Variants in PARN observed in about 807,000 individuals in gnomAD.
PARN encodes poly(A)-specific ribonuclease PARN.
Under a neutral mutation model 102.8 loss-of-function variants are expected in PARN, and 71 were observed. The ratio of observed to expected loss-of-function variants is 0.69; its 90% confidence interval spans 0.57 to 0.84. PARN has a LOEUF of 0.84. PARN is among the 40% of genes least tolerant of loss of function. The pLI is 0.00. For synonymous variants in PARN, 261 were observed against 252.9 expected, an observed-to-expected ratio of 1.03 and a Z score of -0.30; for missense variants, 782 against 760.9, an observed-to-expected ratio of 1.03 and a Z score of -0.33.
At chr16:14,444,809 C>G (rs1961121581) in intron 23 of PARN, among the ~76,000 whole-genome samples, 1 of 152,054 alleles carries the variant, frequency 6.6e-6, no homozygotes, top group African/African-American at 2.4e-5. Context: ...TTTAAAACTT[C>G]TCCAATACTT....
intron 22 of PARN, 147 bp downstream of exon 22, chr16:14,482,491 G>A: frequency 5.2e-6 from 3 of 571,966 alleles, no homozygotes; most frequent in Admixed American, 7.3e-5. Flanking sequence ...AGGAAATTCA[G>A]GTCATAGTCA....
Position 14,629,616 on chromosome 16 carries a change from G to A in PARN, c.78C>T (p.Ala26=). 6.2e-7 allele frequency: 1 copy of A among 1,613,066 alleles called. No individual in the cohort carries two copies. The highest frequency in any genetic ancestry group is 1.7e-5 in the Admixed American group (1 of 60,024). ...YQAIEEADFF[A]IDGEFSGISD... ...GGATACCTGAAAACTCCCCATCGAT[G>A]GCGAAGAAGTCGGCCTCCTCTATGG... The change falls in exon 2 of 24, where the codon GCC becomes GCT. Residue 26 remains alanine (A), a synonymous_variant. Transcript: ENST00000437198.
chr16:14,530,270 G>A (rs1266432929), intron 21 of PARN, among the ~76,000 whole-genome samples: 1 of 152,114 alleles, frequency 6.6e-6, no homozygotes, highest in South Asian at 2.1e-4. Flanking sequence ...GGAATCCCAA[G>A]CCCCAGGCTA....
Position 14,580,867 on chromosome 16 carries a change from T to C in PARN, c.1262+7A>G. The stretch of plus-strand genomic sequence containing the variant: ...AACTTGGAAACTGGAACTCTCTGAT[T>C]ACTTACTTGTTAAAAAAAGGTTCAA... On this transcript the variant is annotated splice_region_variant and intron_variant, in intron 18 of 23. Coordinates refer to ENST00000437198, the MANE Select transcript of PARN (RefSeq NM_002582.4). The C allele has an allele frequency of 6.4e-7, 1 of 1,569,000 alleles. No homozygotes were observed. The highest frequency in any genetic ancestry group is 1.1e-5 in the South Asian group (1 of 89,894).
At chr16:14,613,620 C>T (rs775609377) in intron 6 of PARN, among the ~76,000 whole-genome samples, 10 of 151,958 alleles carry the variant, frequency 6.6e-5, no homozygotes, top group Non-Finnish European at 1.0e-4. Context: ...GAGACAGTCT[C>T]AAAACAACAA....
chr16:14,564,531 C>T (rs1034773446), intron 18 of PARN, among the ~76,000 whole-genome samples: 5 of 152,146 alleles, frequency 3.3e-5, no homozygotes, highest in African/African-American at 1.2e-4. Context: ...TCCCACACAC[C>T]GTGATCACCA....
intron 18 of PARN, among the ~76,000 whole-genome samples, chr16:14,564,854 CAA>C (rs1409828347): frequency 6.6e-6 from 1 of 152,054 alleles, no homozygotes; most frequent in Non-Finnish European, 1.5e-5. Context: ...TCCGATTTCT[CAA>C]AAAAGAGATT....
intron 18 of PARN, among the ~76,000 whole-genome samples, chr16:14,572,687 AATC>A (rs914022094): frequency 3.9e-5 from 6 of 152,240 alleles, no homozygotes; most frequent in African/African-American, 1.4e-4. Flanking sequence ...AATGTGACAC[AATC>A]ATCATCTGAT....
intron 21 of PARN, among the ~76,000 whole-genome samples, chr16:14,485,458 C>T (rs1225416977): frequency 6.6e-6 from 1 of 152,188 alleles, no homozygotes; most frequent in African/African-American, 2.4e-5. Context: ...TCCACCCTCT[C>T]TTAAAGGTCA....
chr16:14,446,779 G>T, intron 23 of PARN, 109 bp downstream of exon 23: 1 of 702,440 alleles, frequency 1.4e-6, no homozygotes, highest in Non-Finnish European at 2.4e-6. Context: ...AGACTACATG[G>T]GCTTTGCCAC....
chr16:14,449,529 C>A (rs1011634788), intron 22 of PARN, among the ~76,000 whole-genome samples: 1 of 152,144 alleles, frequency 6.6e-6, no homozygotes, highest in Non-Finnish European at 1.5e-5. Context: ...ATGTAAACAT[C>A]TTTTGCAGGG....
intron 2 of PARN, among the ~76,000 whole-genome samples, 173 bp from the exon 3 acceptor site, chr16:14,628,424 C>A (rs893776328): frequency 6.6e-5 from 10 of 152,096 alleles, no homozygotes; most frequent in Non-Finnish European, 4.4e-5. Context: ...CAGGTTAAAC[C>A]CTCTAATAAT....
At chr16:14,560,024 T>C (rs1967954325) in intron 18 of PARN, among the ~76,000 whole-genome samples, 1 of 152,258 alleles carries the variant, frequency 6.6e-6, no homozygotes, top group Non-Finnish European at 1.5e-5. Context: ...GTAACATCTC[T>C]GCCCTTCTGA....
At chr16:14,445,497 T>A (rs1489618084) in intron 23 of PARN, among the ~76,000 whole-genome samples, 3 of 152,216 alleles carry the variant, frequency 2.0e-5, no homozygotes, top group African/African-American at 7.2e-5. Context: ...CAAAGGAGAA[T>A]GATTATAATT....
At chr16:14,454,393 G>A (rs1020725477) in intron 22 of PARN, among the ~76,000 whole-genome samples, 1 of 152,150 alleles carries the variant, frequency 6.6e-6, no homozygotes, top group Admixed American at 6.5e-5. Flanking sequence ...ATCTTTTGAA[G>A]AAAAGAATAT....
intron 22 of PARN, among the ~76,000 whole-genome samples, chr16:14,476,627 C>G (rs894952305): frequency 3.9e-5 from 6 of 152,122 alleles, no homozygotes; most frequent in African/African-American, 1.4e-4. Flanking sequence ...GCAAAGAGTT[C>G]AAGACCAGCC....
intron 6 of PARN, among the ~76,000 whole-genome samples, chr16:14,612,219 A>G (rs999003719): frequency 2.0e-5 from 3 of 152,106 alleles, no homozygotes; most frequent in African/African-American, 7.2e-5. Context: ...CGGGCGGATC[A>G]CAAGTTCAAA....
chr16:14,472,339 T>C (rs1252002175), intron 22 of PARN, among the ~76,000 whole-genome samples: 1 of 152,200 alleles, frequency 6.6e-6, no homozygotes, highest in Non-Finnish European at 1.5e-5. Context: ...AATACTCTTT[T>C]GAGAACAGGC....
chr16:14,503,104 G>A (rs538215177), intron 21 of PARN, among the ~76,000 whole-genome samples: 1 of 152,040 alleles, frequency 6.6e-6, no homozygotes, highest in Admixed American at 6.5e-5. Flanking sequence ...TCCTATCCAC[G>A]CTGCTTTGGT....
Sources: allele counts gnomAD v4.1 joint callset (sites outside exome capture counted in the v4.1 genomes callset), GRCh38; gene constraint gnomAD v4.1.1; transcripts MANE v1.5; gene names NCBI Gene and HGNC (gene_info 2026-07-23, HGNC 2026-07-21).